RHD: variants seen among roughly 807,000 people sequenced by gnomAD.
The protein encoded by RHD is Rh blood group D antigen, also known as blood group Rh(D) polypeptide.
A neutral mutation model predicts 45.5 loss-of-function variants in RHD; 16 were observed. The ratio of observed to expected loss-of-function variants is 0.35; its 90% CI spans 0.24 to 0.53. RHD has a LOEUF of 0.53. Ranked by LOEUF, RHD falls within the 20% of genes least tolerant of loss-of-function variation. RHD has a pLI of 0.92. For synonymous variants in RHD, 131 were observed against 217.5 expected (o/e 0.60, Z 3.50); for missense variants, 306 against 532.0 (o/e 0.58, Z 4.18).
rs1218119914 is a variant in RHD at position 25,295,736 on chromosome 1, G to A, written c.486+4945G>A. ...TGACATCATCAGTGACCAAGAGGCGGCCGGGAGGCTGAGACCACAGCAAGA... is the reference window on the plus strand; with the variant it reads ...TGACATCATCAGTGACCAAGAGGCGACCGGGAGGCTGAGACCACAGCAAGA... On this transcript the variant is annotated intron_variant, in intron 3 of 9. Transcript: ENST00000328664. Among the ~76,000 whole-genome samples the A allele has an allele frequency of 1.7e-4, 18 of 108,868 alleles. 6 individuals are homozygous for A. The highest frequency in any genetic ancestry group is 6.7e-4 in the Admixed American group (7 of 10,426). 71.4% of individuals were successfully genotyped at this position (108,868 alleles called of 152,430 possible).
Position 25,294,175 on chromosome 1 carries a change from A to G in RHD, c.486+3384A>G, listed in dbSNP as rs1165069715. On this transcript the variant is annotated intron_variant, in intron 3 of 9. Coordinates refer to ENST00000328664, the MANE Select transcript of RHD (RefSeq NM_016124.6). The stretch of plus-strand genomic sequence containing the variant: ...GGAAGTCAAAAAGGTCAGAGCTTCC[A>G]CAGCATGGCAACAGCTTTGCAGATG... 21 of 785,544 alleles carry G rather than the reference A, an allele frequency of 2.7e-5. 1 individual carries two copies. In the Admixed American group the frequency reaches 3.7e-4, roughly 14 times the overall value. The allele number at this position is 785,544 out of a possible 1,614,324, so 48.7% of individuals were successfully genotyped here.
Position 25,274,804 on chromosome 1 carries a change from C to T in RHD, c.148+2109C>T, listed in dbSNP as rs184965566. Among the ~76,000 whole-genome samples the T allele has an allele frequency of 3.0e-5, 4 of 133,584 alleles. 2 individuals are homozygous for T. The highest frequency in any genetic ancestry group is 7.1e-5 in the Non-Finnish European group (4 of 56,098). The allele number at this position is 133,584 out of a possible 152,430, so 87.6% of individuals were successfully genotyped here. ...GGAGAATCACCTGAGGTTAGGAGTT[C>T]GAGACCAGCCTGGCCAACATGGCAA... On this transcript the variant is annotated intron_variant, in intron 1 of 9. Coordinates refer to ENST00000328664, the MANE Select transcript of RHD (RefSeq NM_016124.6).
rs995406777 is a variant in RHD, at chr1:25,275,445, G to A, written c.148+2750G>A. 1.5e-5 allele frequency among the ~76,000 whole-genome samples: 2 copies of A among 132,104 alleles called. 1 individual carries two copies. The highest frequency in any genetic ancestry group is 1.5e-4 in the Admixed American group (2 of 13,548). 86.7% of individuals were successfully genotyped at this position (132,104 alleles called of 152,430 possible). A position where few individuals can be genotyped will look rare whatever the true frequency, so the allele number is the denominator to read the frequency against. On this transcript the variant is annotated intron_variant, in intron 1 of 9. Transcript: ENST00000328664. ...CATGGAGGAAGCCATGCCAGGGCTG[G>A]TGTTGGGCACAGGGAAAGGGGCATG...
chr1:25,322,664 C>A (rs1345373660), intron 9 of RHD, among the ~76,000 whole-genome samples: 1 of 127,164 alleles, frequency 7.9e-6, no homozygotes, highest in East Asian at 2.0e-4. Context: ...CAGAGCGAGA[C>A]TTTGCCTCAA....
rs368067027 is a variant in RHD at position 25,319,111 on chromosome 1, A to C, written c.1153+2032A>C. Among the ~76,000 whole-genome samples, 5 of 132,302 alleles carry C rather than the reference A, an allele frequency of 3.8e-5. 2 individuals carry two copies. The highest frequency in any genetic ancestry group is 9.0e-5 in the Non-Finnish European group (5 of 55,810). The allele number at this position is 132,302 out of a possible 152,430, so 86.8% of individuals were successfully genotyped here. ...TGGGTATCCTGCATTTTATTTGGCAACCCTGTCCTGGGACTCACACTATTC... is the reference window on the plus strand; with the variant it reads ...TGGGTATCCTGCATTTTATTTGGCACCCCTGTCCTGGGACTCACACTATTC... On this transcript the variant is annotated intron_variant, in intron 8 of 9. Transcript: ENST00000328664.
chr1:25,301,794 G>A lies in RHD; in HGVS notation c.801+108G>A, dbSNP rs1166057316. ...AGCGTGGGTTGGGAGAGGGCATGCC[G>A]GGTGGTGGAGCTGTGCCTGCCTCTA... On this transcript the variant is annotated intron_variant, in intron 5 of 9. Transcript: ENST00000328664. 9.4e-5 allele frequency: 81 copies of A among 861,542 alleles called. 12 individuals are homozygous for A. Among genetic ancestry groups the A allele is most frequent in the African/African-American group, 7.1e-4 (43 of 60,568 alleles). 53.4% of individuals were successfully genotyped at this position (861,542 alleles called of 1,614,324 possible).
chr1:25,316,624 A>G (rs1219991330), intron 7 of RHD, among the ~76,000 whole-genome samples: 1 of 118,074 alleles, frequency 8.5e-6, no homozygotes, highest in African/African-American at 2.8e-5. Context: ...AACAGAAAAA[A>G]AAAAAAAAAA....
At chr1:25,296,253 TTTTC>T (rs1642948495) in intron 3 of RHD, among the ~76,000 whole-genome samples, 4 of 127,966 alleles carry the variant, frequency 3.1e-5, no homozygotes, top group African/African-American at 8.0e-5. Context: ...CTTTTTTTTT[TTTTC>T]TTTGAGACAG....
rs563003186 is a variant in RHD, at chr1:25,319,972, C to G, written c.1154-1917C>G. On this transcript the variant is annotated intron_variant, in intron 8 of 9. Coordinates refer to ENST00000328664, the MANE Select transcript of RHD (RefSeq NM_016124.6). ...GGAGTGCAATGGCGCTATCTCGGCT[C>G]ACTACAACCTCAGCCTCCTGGGTTC... is the stretch of plus-strand genomic sequence containing the variant. Among the ~76,000 whole-genome samples, 31 of 131,478 alleles carry G rather than the reference C, an allele frequency of 2.4e-4. 5 individuals carry two copies. In the South Asian group the frequency reaches 6.8e-3, roughly 29 times the overall value. 86.3% of individuals were successfully genotyped at this position (131,478 alleles called of 152,430 possible).
intron 3 of RHD, among the ~76,000 whole-genome samples, chr1:25,295,857 T>TGTTTTTTTG (rs1410603257): frequency 2.5e-5 from 1 of 39,314 alleles, no homozygotes; most frequent in African/African-American, 6.3e-5. Flanking sequence ...GAAATTTTTT[T>TGTTTTTTTG]TTTTTTTTTT....
Position 25,307,721 on chromosome 1 carries a change from A to C in RHD, c.1073+992A>C. On this transcript the variant is annotated intron_variant, in intron 7 of 9. Coordinates refer to ENST00000328664, the MANE Select transcript of RHD (RefSeq NM_016124.6). ...GAGCTGATGCGTTTGGACGTGTCTCAGAGAAATCATGGAGGCGCTGCGGTT... is the reference window on the plus strand; with the variant it reads ...GAGCTGATGCGTTTGGACGTGTCTCCGAGAAATCATGGAGGCGCTGCGGTT... The C allele has an allele frequency of 3.8e-6, 5 of 1,308,542 alleles. 1 individual carries two copies. Among genetic ancestry groups the C allele is most frequent in the Non-Finnish European group, 5.3e-6 (5 of 950,266 alleles). The allele number at this position is 1,308,542 out of a possible 1,614,324, so 81.1% of individuals were successfully genotyped here. A position where few individuals can be genotyped will look rare whatever the true frequency, so the allele number is the denominator to read the frequency against.
rs1255234189 is a variant in RHD at position 25,289,221 on chromosome 1, G to A, written c.336-1420G>A. On this transcript the variant is annotated intron_variant, in intron 2 of 9. Coordinates refer to ENST00000328664, the MANE Select transcript of RHD (RefSeq NM_016124.6). Reference sequence around the variant, plus strand: ...ATTTTTTTTGTGTGTGTGTGAGGCAGTCTTACTCTGTTGCCCAGGCTGGAG... The same window carrying A: ...ATTTTTTTTGTGTGTGTGTGAGGCAATCTTACTCTGTTGCCCAGGCTGGAG... Among the ~76,000 whole-genome samples the A allele has an allele frequency of 1.5e-5, 2 of 132,660 alleles. 1 individual carries two copies. The highest frequency in any genetic ancestry group is 3.6e-5 in the Non-Finnish European group (2 of 55,938). The allele number at this position is 132,660 out of a possible 152,430, so 87.0% of individuals were successfully genotyped here.
Position 25,282,794 on chromosome 1 carries a change from C to T in RHD, c.149-1779C>T, listed in dbSNP as rs1362539540. Among the ~76,000 whole-genome samples the T allele has an allele frequency of 4.6e-5, 6 of 129,830 alleles. 1 individual carries two copies. The highest frequency in any genetic ancestry group is 9.1e-5 in the Non-Finnish European group (5 of 54,874). 85.2% of individuals were successfully genotyped at this position (129,830 alleles called of 152,430 possible). On this transcript the variant is annotated intron_variant, in intron 1 of 9. Transcript: ENST00000328664. ...GTGGTTCCCACTGAAGCACAGGAGG[C>T]TGAAGCACAAGAATCACTTGAACCC...
At position 25,296,200 on chromosome 1, in the gene RHD, C is replaced by T. The variant is rs1642941048; in HGVS notation, c.487-4746C>T. Among the ~76,000 whole-genome samples the T allele has an allele frequency of 1.6e-5, 2 of 121,948 alleles. 1 individual carries two copies. The highest frequency in any genetic ancestry group is 3.8e-5 in the Non-Finnish European group (2 of 52,072). 80.0% of individuals were successfully genotyped at this position (121,948 alleles called of 152,430 possible). ...TTTATTAATTTTTGGTTGTCTTCAT[C>T]TGTGTATGTGACTTTAACCCCTAAA... On this transcript the variant is annotated intron_variant, in intron 3 of 9. Coordinates refer to ENST00000328664, the MANE Select transcript of RHD (RefSeq NM_016124.6).
chr1:25,321,674 T>TAAATAAAATAAAATAAAATAAAATA (rs56928540), intron 8 of RHD, among the ~76,000 whole-genome samples: 6,718 of 91,166 alleles, frequency 0.074, 1,298 homozygotes, highest in South Asian at 0.12. Flanking sequence ...TGTCTCAAAA[T>TAAATAAAATAAAATAAAATAAAATA]AAATAAAATA....
At chr1:25,286,541 C>T (rs1191620677) in intron 2 of RHD, among the ~76,000 whole-genome samples, 1 of 134,934 alleles carries the variant, frequency 7.4e-6, no homozygotes, top group Non-Finnish European at 1.8e-5. Flanking sequence ...AATCCCAGCA[C>T]TTTGGGAGGC....
rs1641016491 is a variant in RHD, at chr1:25,276,572, A to T, written c.148+3877A>T. Among the ~76,000 whole-genome samples, 2 of 118,114 alleles carry T rather than the reference A, an allele frequency of 1.7e-5. 1 individual carries two copies. The allele number at this position is 118,114 out of a possible 152,430, so 77.5% of individuals were successfully genotyped here. A position where few individuals can be genotyped will look rare whatever the true frequency, so the allele number is the denominator to read the frequency against. On this transcript the variant is annotated intron_variant, in intron 1 of 9. Coordinates refer to ENST00000328664, the MANE Select transcript of RHD (RefSeq NM_016124.6). ...AAAAAAAAACTTTAAAATTTAACCC[A>T]GTGTGGTGGCACATGCCTATAGTCC...
Position 25,321,035 on chromosome 1 carries a change from C to T in RHD, c.1154-854C>T, listed in dbSNP as rs1360496624. Among the ~76,000 whole-genome samples the T allele has an allele frequency of 1.5e-5, 2 of 131,148 alleles. 1 individual carries two copies. Among genetic ancestry groups the T allele is most frequent in the African/African-American group, 5.2e-5 (2 of 38,504 alleles). The allele number at this position is 131,148 out of a possible 152,430, so 86.0% of individuals were successfully genotyped here. On this transcript the variant is annotated intron_variant, in intron 8 of 9. Transcript: ENST00000328664. ...CTCCAGCCTGGATAACAGAATGAGA[C>T]TCTGTCCCAAAAATAAAAAATAAAA...
Position 25,300,647 on chromosome 1 carries a change from T to C in RHD, c.487-299T>C, listed in dbSNP as rs1332708720. On this transcript the variant is annotated intron_variant, in intron 3 of 9. Coordinates refer to ENST00000328664, the MANE Select transcript of RHD (RefSeq NM_016124.6). ...AAACACGGTGAAACCCCATCTCTAC[T>C]AAAAATACAAAATTAGCCCAGCGTA... is the stretch of plus-strand genomic sequence containing the variant. Among the ~76,000 whole-genome samples the C allele has an allele frequency of 2.3e-5, 3 of 130,262 alleles. 1 individual carries two copies. The highest frequency in any genetic ancestry group is 7.4e-5 in the Admixed American group (1 of 13,522). 85.5% of individuals were successfully genotyped at this position (130,262 alleles called of 152,430 possible).
Sources: gnomAD v4.1 joint callset for allele counts (sites outside exome capture counted in the v4.1 genomes callset) on GRCh38, gnomAD v4.1.1 for gene constraint, MANE v1.5 for transcripts, NCBI Gene and HGNC (gene_info 2026-07-23, HGNC 2026-07-21) for gene names.